Variants in TXLNB observed in about 807,000 individuals in gnomAD.
TXLNB encodes the protein taxilin beta.
In TXLNB, 37 loss-of-function variants were observed where a neutral mutation model predicts 57.4. That is an observed-to-expected ratio of 0.64 (90% CI 0.50 to 0.85). The LOEUF (loss-of-function observed/expected upper bound fraction) is 0.85, where lower values mean the gene tolerates loss of function less well. Ranked by LOEUF, TXLNB falls within the 40% of genes least tolerant of loss-of-function variation. The pLI, the probability that TXLNB is intolerant of heterozygous loss-of-function variation, is 0.00. For synonymous variants in TXLNB, 302 were observed against 309.6 expected, an observed-to-expected ratio of 0.98 and a Z score of 0.26; for missense variants, 848 against 825.6, an observed-to-expected ratio of 1.03 and a Z score of -0.33.
At chr6:139,295,841 C>A (rs1219207959), upstream of TXLNB, among the ~76,000 whole-genome samples, 3 of 152,108 alleles carry the variant, frequency 2.0e-5, no homozygotes, top group Admixed American at 1.3e-4. Context: ...TCATATGCAA[C>A]TTTCTGTTTT....
chr6:139,194,544 G>A, the TXLNB span, among the ~76,000 whole-genome samples: 2 of 152,110 alleles, frequency 1.3e-5, no homozygotes, highest in African/African-American at 4.8e-5. Context: ...CAAAGTTTTA[G>A]AAAATCCTAT....
chr6:139,242,587 C>T lies in TXLNB; in HGVS notation c.1994G>A (p.Gly665Glu), dbSNP rs1302656462. ...GCGCGGCTGGGGCCCAGCTGAGGCC[C>T]CTACTGGCAGCTCCTCTGCTGCTGC... is the stretch of plus-strand genomic sequence containing the variant. The part of the protein sequence containing the change: ...PRAAAEELPV[G>E]ASAGPQPRNV... The change falls in exon 10 of 10, where the codon GGG becomes GAG. Residue 665 changes from glycine to glutamate, a missense_variant. Transcript: ENST00000358430. 6.5e-7 allele frequency: 1 copy of T among 1,541,956 alleles called. No individual in the cohort carries two copies. Among genetic ancestry groups the T allele is most frequent in the African/African-American group, 1.4e-5 (1 of 72,136 alleles).
chr6:139,259,742 A>T lies in TXLNB; in HGVS notation c.1002+576T>A, dbSNP rs532694923. On this transcript the variant is annotated intron_variant, in intron 6 of 9. Coordinates refer to ENST00000358430, the MANE Select transcript of TXLNB (RefSeq NM_153235.4). ...CCCCTTCTCTGTCTTGTTCACGGCT[A>T]TGTCCCCGCACCTAACACGGTGCTT... Among the ~76,000 whole-genome samples the T allele has an allele frequency of 2.6e-5, 4 of 152,248 alleles. No homozygotes were observed. In the East Asian group the frequency reaches 5.8e-4, roughly 22 times the overall value.
intron 3 of TXLNB, chr6:139,271,240 A>G (rs1776754671): frequency 6.6e-6 from 1 of 152,644 alleles, no homozygotes; most frequent in South Asian, 2.1e-4. Context: ...CATCAGAAAT[A>G]GCTTCTGCAT....
upstream of TXLNB, among the ~76,000 whole-genome samples, chr6:139,295,088 C>A (rs879394386): frequency 1.2e-4 from 18 of 152,118 alleles, no homozygotes; most frequent in Admixed American, 1.3e-4. Context: ...CATTGTCCTG[C>A]AATTATTAAA....
the TXLNB span, among the ~76,000 whole-genome samples, chr6:139,168,008 T>C: frequency 6.6e-6 from 1 of 152,212 alleles, no homozygotes; most frequent in Admixed American, 6.5e-5. Flanking sequence ...ACATCACATA[T>C]AACATGTTTA....
the TXLNB span, among the ~76,000 whole-genome samples, chr6:139,321,577 T>C: frequency 2.0e-5 from 3 of 148,500 alleles, no homozygotes; most frequent in East Asian, 5.9e-4. Context: ...GGAGACTTCA[T>C]ATACAGAGAC....
At chr6:139,219,218 C>T in the TXLNB span, among the ~76,000 whole-genome samples, 1 of 152,212 alleles carries the variant, frequency 6.6e-6, no homozygotes, top group African/African-American at 2.4e-5. Context: ...TTCAGCCTAA[C>T]AGTGGTAAAC....
At chr6:139,247,062 C>A (rs1776082958) in intron 8 of TXLNB, among the ~76,000 whole-genome samples, 1 of 152,150 alleles carries the variant, frequency 6.6e-6, no homozygotes, top group Middle Eastern at 3.2e-3. Context: ...AAGTTAAATT[C>A]TCTTCTAAGA....
the TXLNB span, among the ~76,000 whole-genome samples, chr6:139,231,870 T>A: frequency 6.6e-6 from 1 of 152,298 alleles, no homozygotes; most frequent in South Asian, 2.1e-4. Context: ...CTATCCTTGA[T>A]TAAACTTGGA....
chr6:139,178,491 G>T, the TXLNB span: 1 of 135,804 alleles, frequency 7.4e-6, no homozygotes, highest in African/African-American at 2.8e-5. Context: ...TACTCATTTG[G>T]TTTATACTTT....
the TXLNB span, among the ~76,000 whole-genome samples, chr6:139,184,465 G>A: frequency 2.6e-5 from 4 of 152,120 alleles, no homozygotes; most frequent in Non-Finnish European, 5.9e-5. Flanking sequence ...TTTCTCAAAG[G>A]GAAAAAATTT....
chr6:139,207,297 T>C, the TXLNB span, among the ~76,000 whole-genome samples: 7 of 152,112 alleles, frequency 4.6e-5, no homozygotes, highest in African/African-American at 1.4e-4. Context: ...CAGACCACAA[T>C]GGAATAAAAT....
Position 139,260,319 on chromosome 6 carries a change from T to C in TXLNB, c.1001A>G (p.Tyr334Cys). Residue 334 changes from tyrosine (Y) to cysteine (C), a missense_variant and splice_region_variant, in exon 6 of 10, where the codon TAT (tyrosine) becomes TGT (cysteine). Coordinates refer to ENST00000358430, the MANE Select transcript of TXLNB (RefSeq NM_153235.4). The stretch of plus-strand genomic sequence containing the variant: ...CACAACGACTAAAATGATAAATACA[T>C]ATTCCTTTTCTCGTTTGTGTCGCTC... ...AEERHKREKE[Y>C]LLNQAAEWKL... 3 of 1,614,138 alleles carry C rather than the reference T, an allele frequency of 1.9e-6. No individual in the cohort carries two copies. Among genetic ancestry groups the C allele is most frequent in the Non-Finnish European group, 2.5e-6 (3 of 1,180,014 alleles).
the TXLNB span, chr6:139,177,841 G>C: frequency 1.3e-5 from 2 of 152,182 alleles, no homozygotes; most frequent in African/African-American, 4.8e-5. This position sits in a 1 kb window ranked among gnomAD's most constrained non-coding sequence, Gnocchi z 4.9. Context: ...CTTTGAAGTT[G>C]GTAATATAGC....
the TXLNB span, among the ~76,000 whole-genome samples, chr6:139,310,430 T>C: frequency 6.6e-6 from 1 of 152,216 alleles, no homozygotes; most frequent in Admixed American, 6.5e-5. Context: ...ACTAAAGTGA[T>C]ACCTTCCAAA....
chr6:139,248,137 G>A (rs575537322), intron 7 of TXLNB, among the ~76,000 whole-genome samples: 2 of 152,240 alleles, frequency 1.3e-5, no homozygotes, highest in South Asian at 4.2e-4. Context: ...CACTTTGGGC[G>A]GCCAAGGCAG....
the TXLNB span, chr6:139,166,260 G>A: frequency 1.9e-6 from 3 of 1,556,494 alleles, no homozygotes; most frequent in Non-Finnish European, 2.6e-6. Flanking sequence ...TCTGAAATCT[G>A]TTCTCTCTTT....
chr6:139,213,812 C>T, the TXLNB span, among the ~76,000 whole-genome samples: 3 of 152,172 alleles, frequency 2.0e-5, no homozygotes, highest in East Asian at 5.8e-4. Flanking sequence ...ACCGATCCCA[C>T]AAAAATACAA....
Sources: allele counts gnomAD v4.1 joint callset (sites outside exome capture counted in the v4.1 genomes callset), GRCh38; gene constraint gnomAD v4.1.1; non-coding constraint Gnocchi (gnomAD v3.1); transcripts MANE v1.5; gene names NCBI Gene and HGNC (gene_info 2026-07-23, HGNC 2026-07-21).